Variants in HCK observed in about 807,000 individuals in gnomAD.
HCK encodes tyrosine-protein kinase HCK.
HCK carries 40 observed loss-of-function variants against 70.4 expected under a neutral mutation model. The observed-to-expected ratio is 0.57, with a 90% CI of 0.44 to 0.74. The LOEUF (loss-of-function observed/expected upper bound fraction) is 0.74, where lower values mean the gene tolerates loss of function less well. Ranked by LOEUF, HCK falls within the 30% of genes least tolerant of loss-of-function variation. The pLI is 0.00. For synonymous variants in HCK, 245 were observed against 263.2 expected (o/e 0.93, Z 0.67); for missense variants, 568 against 697.2 (o/e 0.81, Z 2.09).
intron 1 of HCK, among the ~76,000 whole-genome samples, chr20:32,063,932 G>T (rs1356414208): frequency 6.8e-6 from 1 of 147,478 alleles, no homozygotes; most frequent in Non-Finnish European, 1.5e-5. Context: ...TTTTTTTCCA[G>T]CTAGAAACCA....
intron 12 of HCK, among the ~76,000 whole-genome samples, chr20:32,101,054 T>G (rs2122265215): frequency 6.6e-6 from 1 of 152,196 alleles, no homozygotes; most frequent in South Asian, 2.1e-4. Context: ...CTCCAAAGAC[T>G]CTCCTCTAAG....
intron 12 of HCK, among the ~76,000 whole-genome samples, chr20:32,100,407 G>A (rs144688047): frequency 2.6e-5 from 4 of 152,284 alleles, no homozygotes; most frequent in East Asian, 1.9e-4. Context: ...ACTGGCATAC[G>A]TTGATGAACT....
At chr20:32,052,562 T>C in intron 1 of HCK, 76 bp downstream of exon 1, 1 of 1,069,302 alleles carries the variant, frequency 9.4e-7, no homozygotes, top group Non-Finnish European at 1.2e-6. Context: ...CCCAGGAGCC[T>C]GGGGAGGGCT....
At chr20:32,097,597 A>T (rs1238040159) in intron 11 of HCK, among the ~76,000 whole-genome samples, 1 of 152,104 alleles carries the variant, frequency 6.6e-6, no homozygotes, top group African/African-American at 2.4e-5. Context: ...TAAATAAATA[A>T]ATAAATAAAT....
intron 10 of HCK, among the ~76,000 whole-genome samples, chr20:32,090,689 C>T (rs547123272): frequency 6.6e-6 from 1 of 152,082 alleles, no homozygotes; most frequent in Admixed American, 6.5e-5. Flanking sequence ...CTCATGGCAC[C>T]CTATCTGGGG....
rs2045583013 is a variant in HCK at position 32,073,895 on chromosome 20, A to G, written c.329+77A>G. On this transcript the variant is annotated intron_variant, in intron 4 of 12. Coordinates refer to ENST00000375852, the MANE Select transcript of HCK (RefSeq NM_002110.5). Reference sequence around the variant, plus strand: ...TATGTGCTCTTTTGTGCTTCCATAAAGAACCTGATAGATGGGCTATCTTAT... The same window carrying G: ...TATGTGCTCTTTTGTGCTTCCATAAGGAACCTGATAGATGGGCTATCTTAT... 4 of 787,234 alleles carry G rather than the reference A, an allele frequency of 5.1e-6. 1 individual carries two copies. Among genetic ancestry groups the G allele is most frequent in the Non-Finnish European group, 8.8e-6 (4 of 456,842 alleles). 48.8% of individuals were successfully genotyped at this position (787,234 alleles called of 1,614,324 possible).
intron 11 of HCK, among the ~76,000 whole-genome samples, chr20:32,097,356 G>T (rs2045970489): frequency 6.6e-6 from 1 of 151,974 alleles, no homozygotes; most frequent in African/African-American, 2.4e-5. Flanking sequence ...GAGGTGGGAG[G>T]ATCACGAGGT....
intron 10 of HCK, among the ~76,000 whole-genome samples, chr20:32,092,510 T>C (rs749106557): frequency 6.6e-6 from 1 of 152,206 alleles, no homozygotes; most frequent in Non-Finnish European, 1.5e-5. Flanking sequence ...CTGGTGTGAA[T>C]AAGAATCCTC....
chr20:32,090,596 G>A (rs2122602356), intron 10 of HCK, among the ~76,000 whole-genome samples: 1 of 152,296 alleles, frequency 6.6e-6, no homozygotes, highest in African/African-American at 2.4e-5. Context: ...ATAGGATTCA[G>A]TTGGAAGAGC....
At chr20:32,090,259 A>C (rs930406278) in intron 10 of HCK, among the ~76,000 whole-genome samples, 4 of 152,206 alleles carry the variant, frequency 2.6e-5, no homozygotes, top group Admixed American at 2.0e-4. Context: ...CAGAGGGGAA[A>C]ACAAACCAAG....
chr20:32,075,046 C>T (rs2045602520), intron 5 of HCK, among the ~76,000 whole-genome samples: 1 of 152,186 alleles, frequency 6.6e-6, no homozygotes, highest in African/African-American at 2.4e-5. Context: ...CTGGTGAGAG[C>T]GGGGACTTTG....
chr20:32,055,493 C>T (rs955273125), intron 1 of HCK, among the ~76,000 whole-genome samples: 4 of 152,030 alleles, frequency 2.6e-5, no homozygotes, highest in African/African-American at 9.7e-5. Context: ...TTATTTTTAT[C>T]CTATTTATTT....
At chr20:32,055,069 G>A (rs925618361) in intron 1 of HCK, among the ~76,000 whole-genome samples, 3 of 152,164 alleles carry the variant, frequency 2.0e-5, no homozygotes, top group Non-Finnish European at 2.9e-5. Flanking sequence ...GAACAATATT[G>A]ACAGGAGCAT....
chr20:32,085,878 A>G (rs866731252), intron 8 of HCK, among the ~76,000 whole-genome samples: 120 of 152,278 alleles, frequency 7.9e-4, no homozygotes, highest in Middle Eastern at 3.4e-3. Context: ...AGAGGGGTGG[A>G]CGAGGCTGGG....
rs1488665821 is a variant in HCK at position 32,082,371 on chromosome 20, G to A, written c.533-1523G>A. ...CAACAGTATAAACTGGCCAGGTGAG[G>A]TGACTCAAGCCTGTAATCCCAGCAG... On this transcript the variant is annotated intron_variant, in intron 6 of 12. Coordinates refer to ENST00000375852, the MANE Select transcript of HCK (RefSeq NM_002110.5). Among the ~76,000 whole-genome samples the A allele has an allele frequency of 3.3e-5, 5 of 152,256 alleles. 1 individual carries two copies. Among genetic ancestry groups the A allele is most frequent in the South Asian group, 4.1e-4 (2 of 4,824 alleles).
At position 32,088,009 on chromosome 20, in the gene HCK, A is replaced by G. The variant is rs561459026; in HGVS notation, c.1016-559A>G. On this transcript the variant is annotated intron_variant, in intron 9 of 12. Coordinates refer to ENST00000375852, the MANE Select transcript of HCK (RefSeq NM_002110.5). ...CAGCTGGTCTCAAACTCCTGGGTTC[A>G]ACTGATCCTCCCAAAGCTTTGGGAT... is the stretch of plus-strand genomic sequence containing the variant. Among the ~76,000 whole-genome samples, 11 of 152,230 alleles carry G rather than the reference A, an allele frequency of 7.2e-5. No individual in the cohort carries two copies. In the South Asian group the frequency reaches 1.9e-3, roughly 26 times the overall value.
chr20:32,095,056 C>G (rs1002994748), intron 11 of HCK, among the ~76,000 whole-genome samples: 3 of 152,212 alleles, frequency 2.0e-5, no homozygotes, highest in Non-Finnish European at 2.9e-5. Flanking sequence ...GGAAACAACA[C>G]TCTTTAATGT....
At chr20:32,052,823 AAG>A (rs1334749654) in intron 1 of HCK, among the ~76,000 whole-genome samples, 62 of 146,618 alleles carry the variant, frequency 4.2e-4, no homozygotes, top group African/African-American at 1.4e-3. Context: ...AAAAAAGAAA[AAG>A]AAGGAAGGGA....
At chr20:32,078,543 T>A (rs1282831970) in intron 5 of HCK, among the ~76,000 whole-genome samples, 1 of 151,942 alleles carries the variant, frequency 6.6e-6, no homozygotes, top group African/African-American at 2.4e-5. Flanking sequence ...ACTTGCCCTC[T>A]CTGTTCCTCA....
Sources: gnomAD v4.1 joint callset for allele counts (sites outside exome capture counted in the v4.1 genomes callset) on GRCh38, gnomAD v4.1.1 for gene constraint, MANE v1.5 for transcripts, NCBI Gene and HGNC (gene_info 2026-07-23, HGNC 2026-07-21) for gene names.